The following NBAS variants were observed in gnomAD, a reference collection of about 807,000 sequenced individuals.
NBAS encodes NAG/BC035112 fusion.
NBAS carries 219 observed loss-of-function variants against 302.5 expected under a neutral mutation model. The ratio of observed to expected loss-of-function variants is 0.72; its 90% CI spans 0.65 to 0.81. The LOEUF (loss-of-function observed/expected upper bound fraction) is 0.81. Among genes scored for constraint, NBAS ranks in the 30% least tolerant of loss-of-function variants. The pLI is 0.00. For missense variants in NBAS, 2,932 were observed against 2,841.6 expected (o/e 1.03, Z -0.72); for synonymous variants, 1,118 against 1,021.6 (o/e 1.09, Z -1.80).
chr2:14,872,834 T>C, the NBAS span, among the ~76,000 whole-genome samples: 50 of 152,008 alleles, frequency 3.3e-4, no homozygotes, highest in Non-Finnish European at 6.9e-4. Flanking sequence ...CAGACCTTCG[T>C]GGTGAGCGTC....
At chr2:14,892,750 T>C in the NBAS span, among the ~76,000 whole-genome samples, 1 of 152,140 alleles carries the variant, frequency 6.6e-6, no homozygotes, top group African/African-American at 2.4e-5. Context: ...TATCAAATCG[T>C]CTTTGTATTT....
intron 48 of NBAS, among the ~76,000 whole-genome samples, chr2:15,198,325 A>G (rs1020472879): frequency 3.9e-5 from 6 of 152,204 alleles, no homozygotes; most frequent in Admixed American, 3.3e-4. Context: ...AACACATTCA[A>G]TCTGATAAAG....
At chr2:14,977,657 T>C in the NBAS span, among the ~76,000 whole-genome samples, 2 of 152,192 alleles carry the variant, frequency 1.3e-5, no homozygotes, top group Non-Finnish European at 2.9e-5. Flanking sequence ...TCACATTCCA[T>C]TCCAGAGTAG....
Position 15,308,323 on chromosome 2 carries a change from G to A in NBAS, c.4690C>T (p.Gln1564Ter). Residue 1564 changes from glutamine to a stop codon, truncating the protein, a stop_gained, in exon 40 of 52, where the codon CAG becomes TAG. Coordinates refer to ENST00000281513, the MANE Select transcript of NBAS (RefSeq NM_015909.4). LOFTEE classifies it high-confidence loss of function. ...TGGAGAGATAATGCAGAGGGGGACT[G>A]CTTTTCAAAGCACCGGTTAGCATCT... The part of the protein sequence containing the change: ...VLDANRCFEK[Q>*]SPSALSLQLA... The A allele has an allele frequency of 1.2e-6, 2 of 1,614,106 alleles. No individual in the cohort carries two copies. The highest frequency in any genetic ancestry group is 2.2e-5 in the East Asian group (1 of 44,874).
At chr2:15,495,166 G>C (rs887607776) in intron 11 of NBAS, among the ~76,000 whole-genome samples, 7 of 152,158 alleles carry the variant, frequency 4.6e-5, no homozygotes, top group Non-Finnish European at 1.0e-4. Flanking sequence ...CGTGACAAGA[G>C]ATCCTGGAGC....
chr2:15,034,235 G>GAAAGACA, the NBAS span, among the ~76,000 whole-genome samples: 1 of 81,636 alleles, frequency 1.2e-5, no homozygotes, highest in African/African-American at 4.5e-5. Flanking sequence ...AAAGAAAGAA[G>GAAAGACA]GAAAGAAAGA....
intron 42 of NBAS, among the ~76,000 whole-genome samples, chr2:15,282,807 T>G (rs537855593): frequency 1.3e-5 from 2 of 152,318 alleles, no homozygotes; most frequent in Admixed American, 6.5e-5. Context: ...CATTTAGTTC[T>G]CCTTTGCTTA....
intron 51 of NBAS, among the ~76,000 whole-genome samples, chr2:15,178,347 C>A (rs894154831): frequency 5.3e-5 from 8 of 152,190 alleles, no homozygotes; most frequent in African/African-American, 1.7e-4. Flanking sequence ...GATCATACAA[C>A]ATGAGTTCGT....
the NBAS span, among the ~76,000 whole-genome samples, chr2:14,979,595 T>A: frequency 1.3e-5 from 2 of 152,176 alleles, no homozygotes; most frequent in Non-Finnish European, 2.9e-5. Context: ...GACCAGATAT[T>A]TATGACTCCA....
At chr2:15,491,559 AC>A (rs1680855724) in intron 11 of NBAS, among the ~76,000 whole-genome samples, 1 of 152,160 alleles carries the variant, frequency 6.6e-6, no homozygotes, top group African/African-American at 2.4e-5. Context: ...ACACAGTGAA[AC>A]CCCGTCTCTA....
the NBAS span, among the ~76,000 whole-genome samples, chr2:14,953,880 G>C: frequency 6.6e-6 from 1 of 152,188 alleles, no homozygotes; most frequent in South Asian, 2.1e-4. Flanking sequence ...ATATAACCAT[G>C]AGAGGTGATG....
At chr2:14,821,871 A>C in the NBAS span, among the ~76,000 whole-genome samples, 6 of 151,720 alleles carry the variant, frequency 4.0e-5, no homozygotes, top group African/African-American at 1.2e-4. Context: ...CAAAAAAAAA[A>C]CAGAAAAGAA....
chr2:15,485,876 G>A (rs1475745558), intron 12 of NBAS, among the ~76,000 whole-genome samples: 1 of 151,936 alleles, frequency 6.6e-6, no homozygotes, highest in Non-Finnish European at 1.5e-5. Context: ...TCACAGAGGA[G>A]TTTTCATTTT....
the NBAS span, among the ~76,000 whole-genome samples, chr2:14,806,686 A>T: frequency 1.3e-5 from 2 of 152,220 alleles, no homozygotes; most frequent in Admixed American, 6.5e-5. Context: ...CACTCACTTA[A>T]AAAATCTAAA....
chr2:15,356,247 A>G (rs1020961217), intron 33 of NBAS, 56 bp downstream of exon 33: 3 of 1,405,850 alleles, frequency 2.1e-6, no homozygotes, highest in Non-Finnish European at 2.0e-6. Context: ...GACCTTTTCC[A>G]TTATCCATCA....
At chr2:15,543,592 G>A (rs1418053879) in intron 6 of NBAS, among the ~76,000 whole-genome samples, 2 of 152,170 alleles carry the variant, frequency 1.3e-5, no homozygotes, top group African/African-American at 4.8e-5. Flanking sequence ...AGGCAAGGAG[G>A]AGCAAGACCC....
At chr2:15,330,415 T>C (rs1444336182) in intron 36 of NBAS, among the ~76,000 whole-genome samples, 183 bp downstream of exon 36, 1 of 152,222 alleles carries the variant, frequency 6.6e-6, no homozygotes, top group Non-Finnish European at 1.5e-5. Flanking sequence ...AAGTACTCCA[T>C]GGGAATATAT....
At chr2:15,560,624 T>C (rs1664865773) in intron 1 of NBAS, among the ~76,000 whole-genome samples, 1 of 151,400 alleles carries the variant, frequency 6.6e-6, no homozygotes, top group Admixed American at 6.6e-5. Flanking sequence ...TATTAAATGC[T>C]CTTTTATTGA....
intron 9 of NBAS, among the ~76,000 whole-genome samples, chr2:15,520,737 T>A (rs1384553958): frequency 6.6e-6 from 1 of 152,170 alleles, no homozygotes; most frequent in Non-Finnish European, 1.5e-5. Context: ...TCTTTTGAGG[T>A]TTTTTTCAAC....
Sources: gnomAD v4.1 joint callset for allele counts (sites outside exome capture counted in the v4.1 genomes callset) on GRCh38, gnomAD v4.1.1 for gene constraint, MANE v1.5 for transcripts, NCBI Gene and HGNC (gene_info 2026-07-23, HGNC 2026-07-21) for gene names.